KDR: variants seen among roughly 807,000 people sequenced by gnomAD.
KDR encodes the protein vascular endothelial growth factor receptor 2.
KDR carries 43 observed loss-of-function variants against 160.9 expected under a neutral mutation model. The ratio of observed to expected loss-of-function variants is 0.27; its 90% CI spans 0.21 to 0.34. The LOEUF (loss-of-function observed/expected upper bound fraction) is 0.34. KDR is among the 10% of genes least tolerant of loss of function. KDR has a pLI of 1.00. For synonymous variants in KDR, 617 were observed against 600.1 expected, an observed-to-expected ratio of 1.03 and a Z score of -0.41; for missense variants, 1,469 against 1,666.4, an observed-to-expected ratio of 0.88 and a Z score of 2.06.
intron 6 of KDR, among the ~76,000 whole-genome samples, chr4:55,113,696 G>A (rs1031837625): frequency 3.3e-5 from 5 of 152,192 alleles, no homozygotes; most frequent in African/African-American, 4.8e-5. Context: ...AAAACCTCAC[G>A]TGGTGAAAGT....
chr4:55,108,038 AAGAGAC>A, intron 9 of KDR, 145 bp from the exon 10 acceptor site: 1 of 836,120 alleles, frequency 1.2e-6, no homozygotes, highest in Non-Finnish European at 2.0e-6. Context: ...ATGTGGAAAC[AAGAGAC>A]CTGAGTTCTA....
chr4:55,104,931 C>T lies in KDR; in HGVS notation c.1699G>A (p.Val567Met), dbSNP rs201069157. 284 of 1,613,692 alleles carry T rather than the reference C, an allele frequency of 1.8e-4. No individual in the cohort carries two copies. The highest frequency in any genetic ancestry group is 2.1e-4 in the Non-Finnish European group (251 of 1,179,794). The change falls in exon 13 of 30, where the codon GTG (valine) becomes ATG (methionine). Residue 567 changes from valine (V) to methionine (M), a missense_variant. By Grantham distance (21) the Val-to-Met change is conservative. This residue lies in a region of KDR where 792 missense variants were observed against 840.9 expected (regional missense o/e 0.94). Transcript: ENST00000263923. ...PDMQPTEQES[V>M]SLWCTADRST... is the part of the protein sequence containing the mutation. ...CTGTCTGCAGTGCACCACAAAGACA[C>T]GCTCTCCTGCTCAGTGGGCTGCATG...
At position 55,105,819 on chromosome 4, in the gene KDR, G is replaced by GA; in HGVS notation, c.1645+12dup. On this transcript the variant is annotated intron_variant, in intron 12 of 29. Coordinates refer to ENST00000263923, the MANE Select transcript of KDR (RefSeq NM_002253.4). ...GAGTGATCCAACCCAAACCTCCAGA[G>GA]AAGAGTACTTACTGGTCACGTGGAA... is the stretch of plus-strand genomic sequence containing the variant. 1 of 1,504,924 alleles carries GA rather than the reference G, an allele frequency of 6.6e-7. No homozygotes were observed. Among genetic ancestry groups the GA allele is most frequent in the Non-Finnish European group, 9.3e-7 (1 of 1,080,258 alleles). The allele number at this position is 1,504,924 out of a possible 1,614,324, so 93.2% of individuals were successfully genotyped here.
At chr4:55,092,302 C>G (rs1288255883) in intron 22 of KDR, 1 of 386,456 alleles carries the variant, frequency 2.6e-6, no homozygotes, top group Admixed American at 3.7e-5. Flanking sequence ...ATTGTTTGCT[C>G]TACCCACTAG....
rs974817946 is a variant in KDR, at chr4:55,079,651, G to T, written c.*290C>A. On this transcript the variant is annotated 3_prime_UTR_variant, in exon 30 of 30. Coordinates refer to ENST00000263923, the MANE Select transcript of KDR (RefSeq NM_002253.4). ...ATGGGGCCATTTCTTGAACGTCTTT[G>T]TTCTAAACCCATGGTGAGACCCGCA... 6 of 485,600 alleles carry T rather than the reference G, an allele frequency of 1.2e-5. No homozygotes were observed. Among genetic ancestry groups the T allele is most frequent in the African/African-American group, 1.2e-4 (6 of 51,480 alleles). 30.1% of individuals were successfully genotyped at this position (485,600 alleles called of 1,614,324 possible).
chr4:55,122,383 C>T (rs1427342407), intron 1 of KDR, among the ~76,000 whole-genome samples: 1 of 152,158 alleles, frequency 6.6e-6, no homozygotes, highest in Non-Finnish European at 1.5e-5. Context: ...CCCAAGCTTT[C>T]TAAGTCATAT....
At chr4:55,085,036 A>G (rs1719827422) in intron 27 of KDR, among the ~76,000 whole-genome samples, 1 of 152,240 alleles carries the variant, frequency 6.6e-6, no homozygotes, top group Non-Finnish European at 1.5e-5. Context: ...AGAAAATGGT[A>G]TGTACCAAAA....
rs1252948639 is a variant in KDR, at chr4:55,104,968, A to C, written c.1662T>G (p.Thr554=). The C allele has an allele frequency of 3.7e-6, 6 of 1,613,618 alleles. No homozygotes were observed. Among genetic ancestry groups the C allele is most frequent in the Admixed American group, 3.3e-5 (2 of 59,972 alleles). ...CAGTGGGCTGCATGTCAGGTTGCAA[A>C]GTAATTTCAGGACCCCCTAAAATGA... ...SFHVTRGPEI[T]LQPDMQPTEQ... Residue 554 remains threonine (T), a synonymous_variant, in exon 13 of 30, where the codon ACT becomes ACG. Coordinates refer to ENST00000263923, the MANE Select transcript of KDR (RefSeq NM_002253.4).
intron 29 of KDR, 98 bp from the exon 30 acceptor site, chr4:55,080,261 C>T (rs2110003959): frequency 2.0e-6 from 2 of 1,019,634 alleles, no homozygotes; most frequent in Admixed American, 1.9e-5. Context: ...GCTGCCATCT[C>T]CCTGGAGACC....
rs1200885995 is a variant in KDR at position 55,106,801 on chromosome 4, G to A, written c.1422C>T (p.Val474=). The A allele has an allele frequency of 2.5e-6, 4 of 1,607,988 alleles. No individual in the cohort carries two copies. The South Asian group carries it at 4.4e-5, about 18-fold the overall frequency. Residue 474 remains valine, a synonymous_variant, in exon 11 of 30, where the codon GTC becomes GTT. Transcript: ENST00000263923. ...EECANEPSQA[V]SVTNPYPCEE... is the part of the protein sequence containing the mutation. ...CACAAGGGTATGGGTTTGTCACTGA[G>A]ACAGCTTGGCTATAAGAAAGAGATA...
chr4:55,098,262 C>T lies in KDR; in HGVS notation c.2384G>A (p.Gly795Glu), dbSNP rs747827262. 5 of 1,613,760 alleles carry T rather than the reference C, an allele frequency of 3.1e-6. No individual in the cohort carries two copies. The East Asian group carries it at 1.1e-4, about 36-fold the overall frequency. The change falls in exon 17 of 30, where the codon GGG (glycine) becomes GAG (glutamate). Residue 795 changes from glycine (G) to glutamate (E), a missense_variant. By Grantham distance (98) the Gly-to-Glu change is moderately conservative. Around this residue, in one of 7 missense-constraint regions of KDR, gnomAD observed 118 missense variants for 110.8 expected, o/e 1.06. Transcript: ENST00000263923. ...ILRTVKRANG[G>E]ELKTGYLSIV... ...GGACAAGTAGCCTGTCTTCAGTTCC[C>T]CTCCATTGGCCTGGAAAGCATCAAT... is the stretch of plus-strand genomic sequence containing the variant.
In KDR at chr4:55,087,705, C is replaced by T. The variant is rs1470838201; in HGVS notation, c.3564G>A (p.Glu1188=). ...LPISETLSME[E]DSGLSLPTSP... is the part of the protein sequence containing the mutation. Reference sequence around the variant, plus strand: ...AGGTAGGCAGAGAGAGTCCAGAATCCTCTTCCATGCTCAAAGTCTCTGATA... The same window carrying T: ...AGGTAGGCAGAGAGAGTCCAGAATCTTCTTCCATGCTCAAAGTCTCTGATA... Residue 1188 remains glutamate, a synonymous_variant, in exon 27 of 30, where the codon GAG becomes GAA. Transcript: ENST00000263923. 1.2e-6 allele frequency: 2 copies of T among 1,614,108 alleles called. No homozygotes were observed. The highest frequency in any genetic ancestry group is 1.7e-6 in the Non-Finnish European group (2 of 1,179,936).
In KDR at chr4:55,099,129, C is replaced by G. The variant is rs147596588; in HGVS notation, c.2267-326G>C. On this transcript the variant is annotated intron_variant, in intron 15 of 29. Coordinates refer to ENST00000263923, the MANE Select transcript of KDR (RefSeq NM_002253.4). ...TTCCTAGGCTCAAGCGATTCTCCCC[C>G]CTCAGCCTCCCGAGTAGCTGGGACT... Among the ~76,000 whole-genome samples, 1,045 of 152,106 alleles carry G rather than the reference C, an allele frequency of 6.9e-3. 17 individuals are homozygous for G. The highest frequency in any genetic ancestry group is 0.022 in the African/African-American group (934 of 41,514).
chr4:55,124,917 G>C (rs1056627388), intron 1 of KDR, among the ~76,000 whole-genome samples: 4 of 152,082 alleles, frequency 2.6e-5, no homozygotes, highest in East Asian at 1.9e-4. Context: ...AACCCCAGGC[G>C]CCTTCCCACC....
At chr4:55,099,613 A>C (rs1249326951) in intron 15 of KDR, among the ~76,000 whole-genome samples, 1 of 152,194 alleles carries the variant, frequency 6.6e-6, no homozygotes, top group Non-Finnish European at 1.5e-5. Flanking sequence ...AGGGAAATAA[A>C]CAAAATTTTT....
At chr4:55,101,039 T>G (rs924653508) in intron 15 of KDR, among the ~76,000 whole-genome samples, 3 of 152,220 alleles carry the variant, frequency 2.0e-5, no homozygotes, top group Non-Finnish European at 2.9e-5. Flanking sequence ...AAATTTTCCA[T>G]GTCAGAAGAG....
chr4:55,088,695 A>C (rs1410525087), intron 26 of KDR, among the ~76,000 whole-genome samples, 173 bp downstream of exon 26: 2 of 152,236 alleles, frequency 1.3e-5, no homozygotes, highest in African/African-American at 4.8e-5. Context: ...CTATCTGTCT[A>C]AAAGGGTAAT....
intron 3 of KDR, among the ~76,000 whole-genome samples, chr4:55,117,789 A>G (rs978172989): frequency 6.6e-6 from 1 of 152,334 alleles, no homozygotes; most frequent in East Asian, 1.9e-4. Context: ...ACATCCAACC[A>G]AACTATGATG....
chr4:55,121,158 G>T lies in KDR; in HGVS notation c.100C>A (p.Leu34Ile), dbSNP rs1209871142. 3 of 1,613,594 alleles carry T rather than the reference G, an allele frequency of 1.9e-6. No homozygotes were observed. The highest frequency in any genetic ancestry group is 2.5e-6 in the Non-Finnish European group (3 of 1,179,720). ...LPSVSLDLPRLSIQKDILTIK... is the reference protein window; with the variant it reads ...LPSVSLDLPRISIQKDILTIK... ...GTAAGTATGTCTTTTTGTATGCTGA[G>T]CCTGGGCAGATCAAGAGAAACACTA... The change falls in exon 2 of 30, where the codon CTC becomes ATC. Residue 34 changes from leucine to isoleucine, a missense_variant. Physicochemically the swap from Leu to Ile is conservative, Grantham distance 5. Around this residue, in one of 7 missense-constraint regions of KDR, gnomAD observed 792 missense variants for 840.9 expected, o/e 0.94. Transcript: ENST00000263923.
Sources: allele counts gnomAD v4.1 joint callset (sites outside exome capture counted in the v4.1 genomes callset), GRCh38; gene constraint gnomAD v4.1.1; regional missense constraint gnomAD v4.1.1; transcripts MANE v1.5; gene names NCBI Gene and HGNC (gene_info 2026-07-23, HGNC 2026-07-21).